The following IL10 variants were observed in gnomAD, a reference collection of about 807,000 sequenced individuals.
IL10 encodes the protein interleukin 10.
Under a neutral mutation model 21.0 loss-of-function variants are expected in IL10, and 7 were observed. That is an observed-to-expected ratio of 0.33 (90% CI 0.19 to 0.63). IL10 has a LOEUF of 0.63. IL10 is among the 20% of genes least tolerant of loss of function. The pLI is 0.77. For missense variants in IL10, 161 were observed against 213.0 expected, an observed-to-expected ratio of 0.76 and a Z score of 1.52; for synonymous variants, 83 against 79.7, an observed-to-expected ratio of 1.04 and a Z score of -0.22.
chr1:206,771,253 T>G, intron 2 of IL10, 103 bp downstream of exon 2: 1 of 1,248,824 alleles, frequency 8.0e-7, no homozygotes, highest in East Asian at 2.3e-5. Flanking sequence ...CTTCTCCTTT[T>G]CAAAGCGAAG....
intron 2 of IL10, 38 bp downstream of exon 2, chr1:206,771,318 T>G (rs780746069): frequency 1.9e-6 from 3 of 1,575,306 alleles, no homozygotes; most frequent in Non-Finnish European, 2.6e-6. Context: ...CCCTTAATCA[T>G]GCTGCACACT....
intron 4 of IL10, 63 bp from the exon 5 acceptor site, chr1:206,768,791 C>A: frequency 1.0e-6 from 1 of 968,814 alleles, no homozygotes. Context: ...AGGCTCCCCT[C>A]CCTCATGCTC....
chr1:206,772,242 G>A (rs1472452994), intron 1 of IL10, 29 bp downstream of exon 1: 1 of 1,605,282 alleles, frequency 6.2e-7, no homozygotes, highest in Admixed American at 1.7e-5. Context: ...CCCAGGAAGA[G>A]AGAAAGGACA....
rs571608526 is a variant in IL10 at position 206,771,180 on chromosome 1, C to T, written c.226-121G>A. 133 of 1,254,834 alleles carry T rather than the reference C, an allele frequency of 1.1e-4. 1 individual carries two copies. The South Asian group carries it at 1.2e-3, about 12-fold the overall frequency. 77.7% of individuals were successfully genotyped at this position (1,254,834 alleles called of 1,614,324 possible). A position where few individuals can be genotyped will look rare whatever the true frequency, so the allele number is the denominator to read the frequency against. The stretch of plus-strand genomic sequence containing the variant: ...GATCCTCCTTCACCAGAAGCCTCCC[C>T]GAAGGGACTGAGCCCTTTGTAAACC... On this transcript the variant is annotated intron_variant, in intron 2 of 4. Coordinates refer to ENST00000423557, the MANE Select transcript of IL10 (RefSeq NM_000572.3).
Position 206,768,096 on chromosome 1 carries a change from G to T in IL10, c.*540C>A. On this transcript the variant is annotated 3_prime_UTR_variant, in exon 5 of 5. Coordinates refer to ENST00000423557, the MANE Select transcript of IL10 (RefSeq NM_000572.3). ...AGCTTTCAAGAATGAAGTGGTTGGG[G>T]AATGAGGTTAGGGGAATCCCTCCGA... The T allele has an allele frequency of 4.9e-6, 1 of 204,596 alleles. No individual in the cohort carries two copies. The highest frequency in any genetic ancestry group is 5.9e-5 in the Admixed American group (1 of 16,886). The allele number at this position is 204,596 out of a possible 1,614,324, so 12.7% of individuals were successfully genotyped here. A position where few individuals can be genotyped will look rare whatever the true frequency, so the allele number is the denominator to read the frequency against.
chr1:206,770,429 G>A (rs1674792044), intron 3 of IL10: 1 of 264,882 alleles, frequency 3.8e-6, no homozygotes, highest in Admixed American at 5.0e-5. Flanking sequence ...CACTAGCCTG[G>A]GGATGAATAG....
chr1:206,768,248 C>T lies in IL10; in HGVS notation c.*388G>A, dbSNP rs1475237424. ...TAGAGGGAGGTCAGGGAAAACAGCT[C>T]AACAGCTAGAAAGCGTGGTCAGGCT... On this transcript the variant is annotated 3_prime_UTR_variant, in exon 5 of 5. Transcript: ENST00000423557. 3.2e-5 allele frequency: 9 copies of T among 278,372 alleles called. No homozygotes were observed. Among genetic ancestry groups the T allele is most frequent in the East Asian group, 5.6e-5 (1 of 17,924 alleles). The allele number at this position is 278,372 out of a possible 1,614,324, so 17.2% of individuals were successfully genotyped here. A position where few individuals can be genotyped will look rare whatever the true frequency, so the allele number is the denominator to read the frequency against.
chr1:206,770,784 A>G, intron 3 of IL10, 123 bp downstream of exon 3: 5 of 996,534 alleles, frequency 5.0e-6, no homozygotes, highest in Admixed American at 3.5e-5. Context: ...GTCTTTCCTC[A>G]TTTACAGCTA....
At chr1:206,770,007 G>A (rs1021772740) in intron 3 of IL10, 113 bp from the exon 4 acceptor site, 9 of 759,828 alleles carry the variant, frequency 1.2e-5, no homozygotes, top group Admixed American at 2.0e-5. Flanking sequence ...CAAATGCCTT[G>A]CCTCACAGCT....
intron 2 of IL10, 96 bp downstream of exon 2, chr1:206,771,260 G>A (rs1406029918): frequency 9.4e-6 from 12 of 1,277,728 alleles, no homozygotes; most frequent in African/African-American, 7.3e-5. Context: ...TTTTCAAAGC[G>A]AAGGAAACAA....
intron 3 of IL10, 53 bp from the exon 4 acceptor site, chr1:206,769,947 A>T: frequency 6.8e-7 from 1 of 1,460,392 alleles, no homozygotes; most frequent in Non-Finnish European, 9.6e-7. Flanking sequence ...CTCCATGTCC[A>T]TCACACTTAG....
chr1:206,771,885 A>G (rs1474814801), intron 1 of IL10, among the ~76,000 whole-genome samples: 2 of 152,246 alleles, frequency 1.3e-5, no homozygotes, highest in African/African-American at 2.4e-5. Flanking sequence ...CTGGTCTTTC[A>G]GGTCTGGAAA....
chr1:206,769,789 T>C (rs746351343), intron 4 of IL10, 40 bp downstream of exon 4: 2 of 1,513,168 alleles, frequency 1.3e-6, no homozygotes, highest in Non-Finnish European at 1.8e-6. Context: ...TGGGCATGGG[T>C]TGTGCTCTGC....
Position 206,769,823 on chromosome 1 carries a change from G to A in IL10, c.444+6C>T, listed in dbSNP as rs749664677. 1.9e-6 allele frequency: 3 copies of A among 1,611,408 alleles called. No homozygotes were observed. Among genetic ancestry groups the A allele is most frequent in the Admixed American group, 3.3e-5 (2 of 60,018 alleles). ...GCAGACCCTCTCTGCCACCATCCAA[G>A]CTCACCTTATTAAAGGCATTCTTCA... On this transcript the variant is annotated splice_donor_region_variant and intron_variant, in intron 4 of 4. Coordinates refer to ENST00000423557, the MANE Select transcript of IL10 (RefSeq NM_000572.3).
chr1:206,770,995 TG>T lies in IL10; in HGVS notation c.289del (p.Gln97LysfsTer13), dbSNP rs756460032. On this transcript the variant is annotated frameshift_variant, in exon 3 of 5. Coordinates refer to ENST00000423557, the MANE Select transcript of IL10 (RefSeq NM_000572.3). LOFTEE classifies it high-confidence loss of function. ...GATGTCTGGGTCTTGGTTCTCAGCT[TG>T]GGGCATCACCTCCTCCAGGTAAAAC... ...IQFYLEEVMP[Q>X]AENQDPDIKA... 1 of 1,614,134 alleles carries T rather than the reference TG, an allele frequency of 6.2e-7. No individual in the cohort carries two copies.
chr1:206,768,112 A>T lies in IL10; in HGVS notation c.*524T>A. The T allele has an allele frequency of 4.7e-6, 1 of 213,012 alleles. No individual in the cohort carries two copies. Among genetic ancestry groups the T allele is most frequent in the African/African-American group, 2.3e-5 (1 of 44,010 alleles). 13.2% of individuals were successfully genotyped at this position (213,012 alleles called of 1,614,324 possible). A position where few individuals can be genotyped will look rare whatever the true frequency, so the allele number is the denominator to read the frequency against. On this transcript the variant is annotated 3_prime_UTR_variant, in exon 5 of 5. Coordinates refer to ENST00000423557, the MANE Select transcript of IL10 (RefSeq NM_000572.3). ...GTGGTTGGGGAATGAGGTTAGGGGA[A>T]TCCCTCCGAGACACTGGAAGGTGAA...
chr1:206,771,974 A>G (rs1558603226), intron 1 of IL10, among the ~76,000 whole-genome samples: 1 of 152,196 alleles, frequency 6.6e-6, no homozygotes. Flanking sequence ...ACATTTCTTT[A>G]CTTCTCCTAG....
In IL10 at chr1:206,770,940, G is replaced by A. The variant is rs5743626; in HGVS notation, c.345C>T (p.Asn115=). 171 of 1,614,152 alleles carry A rather than the reference G, an allele frequency of 1.1e-4. No individual in the cohort carries two copies. In the African/African-American group the frequency reaches 2.1e-3, roughly 20 times the overall value. Residue 115 remains asparagine, a synonymous_variant, in exon 3 of 5, where the codon AAC becomes AAT. Coordinates refer to ENST00000423557, the MANE Select transcript of IL10 (RefSeq NM_000572.3). The stretch of plus-strand genomic sequence containing the variant: ...GTAGCCTCAGCCTGAGGGTCTTCAG[G>A]TTCTCCCCCAGGGAGTTCACATGCG... ...IKAHVNSLGE[N]LKTLRLRLRR...
Position 206,772,154 on chromosome 1 carries a change from G to T in IL10, c.165+117C>A, listed in dbSNP as rs982789142. On this transcript the variant is annotated intron_variant, in intron 1 of 4. Coordinates refer to ENST00000423557, the MANE Select transcript of IL10 (RefSeq NM_000572.3). ...TTCTCTTAAGAATTTAAGTTTGGGG[G>T]AATAGGTGTTGGGGATGGAGGTGGA... 2.3e-6 allele frequency: 2 copies of T among 881,572 alleles called. 1 individual carries two copies. The highest frequency in any genetic ancestry group is 2.8e-5 in the South Asian group (2 of 71,690). 54.6% of individuals were successfully genotyped at this position (881,572 alleles called of 1,614,324 possible). A position where few individuals can be genotyped will look rare whatever the true frequency, so the allele number is the denominator to read the frequency against.
Sources: allele counts gnomAD v4.1 joint callset (sites outside exome capture counted in the v4.1 genomes callset), GRCh38; gene constraint gnomAD v4.1.1; transcripts MANE v1.5; gene names NCBI Gene and HGNC (gene_info 2026-07-23, HGNC 2026-07-21).